Variants in SOX6 observed in about 807,000 individuals in gnomAD.
SOX6 encodes SRY-box transcription factor 6.
A neutral mutation model predicts 97.8 loss-of-function variants in SOX6; 11 were observed. The observed-to-expected ratio is 0.11, with a 90% CI of 0.07 to 0.19. The LOEUF is 0.19. Ranked by LOEUF, SOX6 falls within the 10% of genes least tolerant of loss-of-function variation. SOX6 has a pLI of 1.00. For missense variants in SOX6, 810 were observed against 1,039.5 expected (o/e 0.78, Z 3.04); for synonymous variants, 360 against 371.4 (o/e 0.97, Z 0.35).
At chr11:16,012,052 T>A (rs901222377) in intron 13 of SOX6, among the ~76,000 whole-genome samples, 1 of 151,984 alleles carries the variant, frequency 6.6e-6, no homozygotes, top group African/African-American at 2.4e-5. Flanking sequence ...TTGTTTTAAG[T>A]CTAGTTTAGG....
chr11:16,679,399 C>G (rs548011828), intron 3 of SOX6, among the ~76,000 whole-genome samples: 1 of 152,146 alleles, frequency 6.6e-6, no homozygotes, highest in African/African-American at 2.4e-5. Context: ...GGAAAACTAA[C>G]GAACAGAAAG....
chr11:16,266,465 C>G (rs1854086813), intron 3 of SOX6, among the ~76,000 whole-genome samples: 2 of 151,396 alleles, frequency 1.3e-5, no homozygotes, highest in Admixed American at 1.3e-4. Context: ...TGAAGGAGAT[C>G]TGTATCTACA....
chr11:16,475,438 G>A (rs1238058002), intron 1 of SOX6, among the ~76,000 whole-genome samples: 3 of 152,142 alleles, frequency 2.0e-5, no homozygotes, highest in African/African-American at 7.2e-5. Flanking sequence ...AGAAGTCATT[G>A]TAGGGTTATT....
chr11:16,195,904 C>G (rs1208467681), intron 4 of SOX6, among the ~76,000 whole-genome samples: 2 of 152,136 alleles, frequency 1.3e-5, no homozygotes, highest in Non-Finnish European at 2.9e-5. Flanking sequence ...CTGTCAGGTT[C>G]TAGCCAAGAG....
At chr11:16,018,215 T>A (rs1854944941) in intron 12 of SOX6, among the ~76,000 whole-genome samples, 1 of 152,228 alleles carries the variant, frequency 6.6e-6, no homozygotes, top group South Asian at 2.1e-4. Flanking sequence ...TCACGTATTA[T>A]CAGAGTCAAT....
At chr11:16,041,608 C>T (rs1855668427) in intron 12 of SOX6, among the ~76,000 whole-genome samples, 1 of 152,008 alleles carries the variant, frequency 6.6e-6, no homozygotes, top group Non-Finnish European at 1.5e-5. Flanking sequence ...ATGTAAATAG[C>T]TATCAAGAAT....
At chr11:16,043,392 T>C (rs1468932337) in intron 12 of SOX6, among the ~76,000 whole-genome samples, 1 of 152,126 alleles carries the variant, frequency 6.6e-6, no homozygotes, top group East Asian at 1.9e-4. Flanking sequence ...TACAGTCTAT[T>C]GTCCCTACAA....
chr11:16,380,741 T>C (rs911386919), intron 1 of SOX6, among the ~76,000 whole-genome samples: 2 of 152,012 alleles, frequency 1.3e-5, no homozygotes, highest in Non-Finnish European at 2.9e-5. Flanking sequence ...TAAAAAGCAA[T>C]CAAGCAAATC....
At chr11:16,183,320 T>C (rs1447526966) in intron 6 of SOX6, among the ~76,000 whole-genome samples, 2 of 125,340 alleles carry the variant, frequency 1.6e-5, no homozygotes, top group East Asian at 5.7e-4. Context: ...CTACACCATG[T>C]CATAATTATT....
intron 3 of SOX6, among the ~76,000 whole-genome samples, chr11:16,277,847 G>C (rs181652474): frequency 6.6e-6 from 1 of 152,268 alleles, no homozygotes; most frequent in Admixed American, 6.5e-5. Context: ...TATTCAACGT[G>C]GTTTCAAAGT....
At chr11:16,303,870 T>G (rs1855338658) in intron 3 of SOX6, among the ~76,000 whole-genome samples, 1 of 152,178 alleles carries the variant, frequency 6.6e-6, no homozygotes, top group Non-Finnish European at 1.5e-5. Flanking sequence ...TATCATTTTA[T>G]TTGGAGAAAA....
intron 4 of SOX6, among the ~76,000 whole-genome samples, chr11:16,487,251 T>A (rs1860451555): frequency 6.6e-6 from 1 of 152,162 alleles, no homozygotes; most frequent in South Asian, 2.1e-4. Flanking sequence ...AGCTAAAAAA[T>A]TAAGTCTTAG....
At chr11:16,553,641 G>C (rs948580627) in intron 4 of SOX6, among the ~76,000 whole-genome samples, 5 of 151,020 alleles carry the variant, frequency 3.3e-5, no homozygotes, top group Non-Finnish European at 7.4e-5. Context: ...TACAAATCCA[G>C]CATCCATCTC....
intron 3 of SOX6, chr11:16,252,407 G>C (rs1317409315): frequency 6.6e-6 from 1 of 152,176 alleles, no homozygotes; most frequent in Non-Finnish European, 1.5e-5. Flanking sequence ...ACCTCCACAG[G>C]AACCAGTGTC....
intron 4 of SOX6, among the ~76,000 whole-genome samples, chr11:16,528,871 A>G (rs573306732): frequency 2.6e-5 from 4 of 152,192 alleles, no homozygotes; most frequent in African/African-American, 7.2e-5. Flanking sequence ...CTTTCCTTCA[A>G]AAGTACACAC....
chr11:16,438,937 G>C (rs956946403), intron 1 of SOX6, among the ~76,000 whole-genome samples: 3 of 152,164 alleles, frequency 2.0e-5, no homozygotes, highest in Admixed American at 1.3e-4. Flanking sequence ...GTACAGGAGA[G>C]CATGTAGGTG....
intron 12 of SOX6, among the ~76,000 whole-genome samples, chr11:16,033,467 C>A (rs1209610989): frequency 6.6e-6 from 1 of 152,096 alleles, no homozygotes; most frequent in Non-Finnish European, 1.5e-5. Context: ...TTATTTCATT[C>A]CTGATGTTTG....
At chr11:16,670,417 C>G (rs1475010361) in intron 3 of SOX6, among the ~76,000 whole-genome samples, 1 of 152,202 alleles carries the variant, frequency 6.6e-6, no homozygotes, top group Non-Finnish European at 1.5e-5. Flanking sequence ...GTAACAGTGA[C>G]TCCATGTTTC....
intron 4 of SOX6, among the ~76,000 whole-genome samples, chr11:16,233,107 C>A (rs1440362580): frequency 6.6e-6 from 1 of 152,060 alleles, no homozygotes; most frequent in Non-Finnish European, 1.5e-5. Flanking sequence ...TTCAAAATAA[C>A]ATTTACATTA....
Sources: gnomAD v4.1 joint callset for allele counts (sites outside exome capture counted in the v4.1 genomes callset) on GRCh38, gnomAD v4.1.1 for gene constraint, MANE v1.5 for transcripts, NCBI Gene and HGNC (gene_info 2026-07-23, HGNC 2026-07-21) for gene names.